The following PPP3CC variants were observed in gnomAD, a reference collection of about 807,000 sequenced individuals.
The protein encoded by PPP3CC is serine/threonine-protein phosphatase 2B catalytic subunit gamma isoform.
A neutral mutation model predicts 60.3 loss-of-function variants in PPP3CC; 35 were observed. That is an observed-to-expected ratio of 0.58 (90% CI 0.44 to 0.77). PPP3CC has a LOEUF of 0.77. Ranked by LOEUF, PPP3CC falls within the 30% of genes least tolerant of loss-of-function variation. The pLI is 0.00. For synonymous variants in PPP3CC, 206 were observed against 224.3 expected (o/e 0.92, Z 0.73); for missense variants, 570 against 628.9 (o/e 0.91, Z 1.00).
intron 1 of PPP3CC, among the ~76,000 whole-genome samples, chr8:22,450,037 T>C (rs1473362034): frequency 6.6e-6 from 1 of 151,902 alleles, no homozygotes; most frequent in Non-Finnish European, 1.5e-5. Flanking sequence ...CAGCTAATTT[T>C]TTTTTGTATT....
intron 1 of PPP3CC, among the ~76,000 whole-genome samples, chr8:22,462,942 A>G (rs185275500): frequency 1.3e-3 from 204 of 152,328 alleles, no homozygotes; most frequent in African/African-American, 4.7e-3. Flanking sequence ...AATGTCCCAT[A>G]TATCCCATAA....
At chr8:22,490,360 C>A (rs1327645354) in intron 3 of PPP3CC, among the ~76,000 whole-genome samples, 2 of 152,070 alleles carry the variant, frequency 1.3e-5, no homozygotes. Flanking sequence ...TGCTGTTTAC[C>A]ACACTTTGAG....
chr8:22,522,565 C>T lies in PPP3CC; in HGVS notation c.845C>T (p.Ala282Val). ...SIIRAHEAQD[A>V]GYRMYRKSQA... ...ATCAGAGCCCATGAAGCCCAAGATG[C>T]TGGGTAAGTTACATTAAAATTGTAC... The change falls in exon 7 of 14, where the codon GCT becomes GTT. Residue 282 changes from alanine to valine, a missense_variant. Ala to Val is a moderately conservative substitution (Grantham distance 64, BLOSUM62 0). Coordinates refer to ENST00000240139, the MANE Select transcript of PPP3CC (RefSeq NM_005605.5). The T allele has an allele frequency of 6.2e-7, 1 of 1,610,168 alleles. No individual in the cohort carries two copies. The highest frequency in any genetic ancestry group is 8.5e-7 in the Non-Finnish European group (1 of 1,177,448).
intron 6 of PPP3CC, 123 bp downstream of exon 6, chr8:22,513,555 T>A: frequency 9.0e-7 from 1 of 1,108,222 alleles, no homozygotes; most frequent in Non-Finnish European, 1.2e-6. Flanking sequence ...ATTTTTCGAT[T>A]AATAGGAGGC....
At chr8:22,514,248 C>CAAA (rs66505760) in intron 6 of PPP3CC, among the ~76,000 whole-genome samples, 7 of 89,468 alleles carry the variant, frequency 7.8e-5, no homozygotes, top group East Asian at 3.2e-4. Flanking sequence ...ACTCTGTCTC[C>CAAA]AAAAAAAAAA....
Position 22,441,085 on chromosome 8 carries a change from C to T in PPP3CC, c.-325C>T. ...GCGCTCGGGGGCGCGCTTGCGTGCA[C>T]GAGGGCCCGGGCCGCGAGCAGCCGC... On this transcript the variant is annotated 5_prime_UTR_variant, in exon 1 of 14. It adds an upstream start codon to the 5' untranslated region. Coordinates refer to ENST00000240139, the MANE Select transcript of PPP3CC (RefSeq NM_005605.5). 8.5e-6 allele frequency: 2 copies of T among 234,184 alleles called. No individual in the cohort carries two copies. Among genetic ancestry groups the T allele is most frequent in the Non-Finnish European group, 1.6e-5 (2 of 121,380 alleles). 14.5% of individuals were successfully genotyped at this position (234,184 alleles called of 1,614,324 possible).
At chr8:22,486,629 G>A (rs73672737) in intron 3 of PPP3CC, among the ~76,000 whole-genome samples, 25 of 152,194 alleles carry the variant, frequency 1.6e-4, no homozygotes, top group African/African-American at 5.5e-4. Flanking sequence ...CCTGTGAATC[G>A]CTGATCACAG....
At chr8:22,480,976 T>C (rs1838046522) in intron 3 of PPP3CC, among the ~76,000 whole-genome samples, 1 of 152,150 alleles carries the variant, frequency 6.6e-6, no homozygotes, top group Non-Finnish European at 1.5e-5. Flanking sequence ...TTGGGGACGT[T>C]TGTCAAAGAT....
intron 9 of PPP3CC, 32 bp from the exon 10 acceptor site, chr8:22,528,474 G>T: frequency 1.4e-6 from 2 of 1,413,758 alleles, no homozygotes; most frequent in African/African-American, 1.4e-5. Flanking sequence ...CTCATTAATC[G>T]CGTAAATTTT....
intron 3 of PPP3CC, among the ~76,000 whole-genome samples, chr8:22,481,312 G>A (rs28879418): frequency 0.039 from 5,839 of 151,136 alleles, 401 homozygotes; most frequent in African/African-American, 0.13. Context: ...TGCAGCCTGG[G>A]CAACAAGAGC....
Position 22,520,076 on chromosome 8 carries a change from C to T in PPP3CC, c.771-2415C>T, listed in dbSNP as rs925166845. Among the ~76,000 whole-genome samples the T allele has an allele frequency of 6.0e-5, 9 of 150,436 alleles. No individual in the cohort carries two copies. In the Admixed American group the frequency reaches 6.0e-4, roughly 10 times the overall value. On this transcript the variant is annotated intron_variant, in intron 6 of 13. Coordinates refer to ENST00000240139, the MANE Select transcript of PPP3CC (RefSeq NM_005605.5). ...TTATCTCTCCTTCATTCTTAAAGGGCAATTTTGATGAGTAAAGTATTCCTG... is the reference window on the plus strand; with the variant it reads ...TTATCTCTCCTTCATTCTTAAAGGGTAATTTTGATGAGTAAAGTATTCCTG...
intron 1 of PPP3CC, among the ~76,000 whole-genome samples, chr8:22,442,656 A>ATCC (rs1836706000): frequency 6.6e-6 from 1 of 152,220 alleles, no homozygotes; most frequent in Non-Finnish European, 1.5e-5. Flanking sequence ...AACTGACATT[A>ATCC]TCCCCTGAAC....
intron 1 of PPP3CC, among the ~76,000 whole-genome samples, chr8:22,443,731 AC>A (rs1836745124): frequency 6.6e-6 from 1 of 152,198 alleles, no homozygotes; most frequent in Non-Finnish European, 1.5e-5. Context: ...CTATATAAAA[AC>A]TTCGGCATAA....
At chr8:22,478,885 T>C (rs1444404403) in intron 3 of PPP3CC, among the ~76,000 whole-genome samples, 2 of 152,224 alleles carry the variant, frequency 1.3e-5, no homozygotes, top group Non-Finnish European at 2.9e-5. Context: ...TAATAAATCA[T>C]AGTTTGTATT....
At chr8:22,463,600 A>G (rs1427925367) in intron 1 of PPP3CC, among the ~76,000 whole-genome samples, 1 of 152,214 alleles carries the variant, frequency 6.6e-6, no homozygotes, top group Non-Finnish European at 1.5e-5. Context: ...TTTTATGAGT[A>G]GTCACTGATT....
At chr8:22,511,590 G>A (rs1022635895) in intron 5 of PPP3CC, among the ~76,000 whole-genome samples, 2 of 151,994 alleles carry the variant, frequency 1.3e-5, no homozygotes, top group Non-Finnish European at 2.9e-5. Flanking sequence ...GTTTCTTATT[G>A]CAGTCAACCA....
intron 3 of PPP3CC, among the ~76,000 whole-genome samples, chr8:22,489,564 CAT>C (rs957245092): frequency 9.1e-5 from 13 of 142,402 alleles, no homozygotes; most frequent in African/African-American, 2.6e-4. Context: ...AGAGGTACAG[CAT>C]ATATATATAT....
At chr8:22,515,904 TTTC>T (rs1188575639) in intron 6 of PPP3CC, among the ~76,000 whole-genome samples, 1 of 146,102 alleles carries the variant, frequency 6.8e-6, no homozygotes, top group South Asian at 2.2e-4. Context: ...TCTTTTTTTC[TTTC>T]TTCTTCTTTA....
rs1476239186 is a variant in PPP3CC at position 22,522,721 on chromosome 8, C to G, written c.915C>G (p.Pro305=). The change falls in exon 8 of 14, where the codon CCC becomes CCG. Residue 305 remains proline (P), a synonymous_variant. Transcript: ENST00000240139. ...FPSLITIFSA[P]NYLDVYNNKA... is the part of the protein sequence containing the mutation. ...CACTTATTACAATTTTCTCTGCCCC[C>G]AATTACCTAGATGTCTATAACAATA... is the stretch of plus-strand genomic sequence containing the variant. The G allele has an allele frequency of 4.4e-6, 7 of 1,597,284 alleles. No individual in the cohort carries two copies. The highest frequency in any genetic ancestry group is 6.0e-6 in the Non-Finnish European group (7 of 1,164,996).
Sources: allele counts gnomAD v4.1 joint callset (sites outside exome capture counted in the v4.1 genomes callset), GRCh38; gene constraint gnomAD v4.1.1; transcripts MANE v1.5; gene names NCBI Gene and HGNC (gene_info 2026-07-23, HGNC 2026-07-21).